MYH9: variants seen among roughly 807,000 people sequenced by gnomAD.
MYH9 encodes myosin heavy chain 9, also known as myosin-9.
A neutral mutation model predicts 241.9 loss-of-function variants in MYH9; 29 were observed. That is an observed-to-expected ratio of 0.12 (90% confidence interval 0.09 to 0.16). The LOEUF is 0.16. Ranked by LOEUF, MYH9 falls within the 10% of genes least tolerant of loss-of-function variation. The probability of loss-of-function intolerance (pLI) is 1.00; values close to 1 mark genes in which losing one functional copy is unlikely to be tolerated. For missense variants in MYH9, 1,803 were observed against 2,595.5 expected, an observed-to-expected ratio of 0.69 and a Z score of 6.63; for synonymous variants, 1,047 against 1,062.6, an observed-to-expected ratio of 0.99 and a Z score of 0.29.
intron 9 of MYH9, chr22:36,319,840 G>T (rs539960690): frequency 1.5e-6 from 1 of 660,188 alleles, no homozygotes; most frequent in East Asian, 2.7e-5. Context: ...CCTCCTGGCC[G>T]ACATGGCCTG....
At chr22:36,383,442 C>A (rs1420471726) in intron 1 of MYH9, among the ~76,000 whole-genome samples, 1 of 152,132 alleles carries the variant, frequency 6.6e-6, no homozygotes, top group Non-Finnish European at 1.5e-5. Context: ...AGTTCATCAC[C>A]AAGTGCATCC....
At chr22:36,286,130 C>T in intron 35 of MYH9, 177 bp from the exon 36 acceptor site, 2 of 661,588 alleles carry the variant, frequency 3.0e-6, no homozygotes, top group East Asian at 2.7e-5. Flanking sequence ...ATAGCTTAAA[C>T]ACCATATGTT....
intron 1 of MYH9, among the ~76,000 whole-genome samples, chr22:36,352,298 C>T (rs2017777801): frequency 6.6e-6 from 1 of 152,204 alleles, no homozygotes; most frequent in South Asian, 2.1e-4. Flanking sequence ...CAGTGTGGAC[C>T]ACATGGCCCG....
intron 14 of MYH9, among the ~76,000 whole-genome samples, chr22:36,310,178 G>A (rs1042683527): frequency 1.3e-5 from 2 of 151,828 alleles, no homozygotes; most frequent in Non-Finnish European, 2.9e-5. Context: ...GCTGAGGCAG[G>A]AGGATCGCTT....
chr22:36,370,653 G>T (rs1014285322), intron 1 of MYH9, among the ~76,000 whole-genome samples: 3 of 152,216 alleles, frequency 2.0e-5, no homozygotes, highest in Non-Finnish European at 2.9e-5. Context: ...TGTCAAAAGT[G>T]CTTATGACTT....
chr22:36,285,409 A>G lies in MYH9; in HGVS notation c.5275-80T>C. The G allele has an allele frequency of 6.7e-7, 1 of 1,485,392 alleles. No individual in the cohort carries two copies. The highest frequency in any genetic ancestry group is 9.3e-7 in the Non-Finnish European group (1 of 1,076,332). 92.0% of individuals were successfully genotyped at this position (1,485,392 alleles called of 1,614,324 possible). A position where few individuals can be genotyped will look rare whatever the true frequency, so the allele number is the denominator to read the frequency against. On this transcript the variant is annotated intron_variant, in intron 37 of 40. Transcript: ENST00000216181. The surrounding 1 kb of genome is among the most constrained non-coding windows in gnomAD (Gnocchi z 7.0). ...ATGAGCAGGGCCAGAGGAAGGTGGC[A>G]GCAGGATCCCACCAAACCCTTGGGG...
At chr22:36,327,538 C>T (rs957278511) in intron 3 of MYH9, 50 bp from the exon 4 acceptor site, 2 of 1,610,552 alleles carry the variant, frequency 1.2e-6, no homozygotes, top group African/African-American at 2.7e-5. Flanking sequence ...CAAAAGCCTC[C>T]CCACCTTGCT....
Position 36,312,129 on chromosome 22 carries a change from G to C in MYH9, c.1648C>G (p.Gln550Glu), listed in dbSNP as rs1343411512. 2 of 1,614,176 alleles carry C rather than the reference G, an allele frequency of 1.2e-6. No homozygotes were observed. The highest frequency in any genetic ancestry group is 2.2e-5 in the East Asian group (1 of 44,882). Residue 550 changes from glutamine to glutamate, a missense_variant, in exon 14 of 41, where the codon CAG becomes GAG. Physicochemically the swap from Gln to Glu is conservative, Grantham distance 29. Transcript: ENST00000216181. Reference sequence around the variant, plus strand: ...TTCTGGAACTTGGGGTGGGTGCCCTGCTCCTGCATCACCTTCTCCACGAAG... The same window carrying C: ...TTCTGGAACTTGGGGTGGGTGCCCTCCTCCTGCATCACCTTCTCCACGAAG... ...KSFVEKVMQE[Q>E]GTHPKFQKPK...
At chr22:36,313,729 C>T (rs2017104996) in intron 13 of MYH9, among the ~76,000 whole-genome samples, 2 of 152,166 alleles carry the variant, frequency 1.3e-5, no homozygotes, top group Admixed American at 1.3e-4. Context: ...TGCCCAGGGT[C>T]TGCACTGTTC....
chr22:36,352,818 C>T (rs1041302245), intron 1 of MYH9, among the ~76,000 whole-genome samples: 2 of 152,190 alleles, frequency 1.3e-5, no homozygotes, highest in East Asian at 3.9e-4. Flanking sequence ...TGGGCACCTC[C>T]CTCCCAGAAC....
In MYH9 at chr22:36,284,162, T is replaced by C. The variant is rs191342427; in HGVS notation, c.5696A>G (p.Glu1899Gly). 6.2e-7 allele frequency: 1 copy of C among 1,614,086 alleles called. No homozygotes were observed. The highest frequency in any genetic ancestry group is 1.3e-5 in the African/African-American group (1 of 75,046). The change falls in exon 40 of 41, where the codon GAG becomes GGG. Residue 1899 changes from glutamate (E) to glycine (G), a missense_variant. Physicochemically the swap from Glu to Gly is moderately conservative, Grantham distance 98. Coordinates refer to ENST00000216181, the MANE Select transcript of MYH9 (RefSeq NM_002473.6). ...ANASRRKLQR[E>G]LEDATETADA... ...GGCCGTCTCAGTGGCGTCCTCCAGC[T>C]CGCGCTGCAGTTTCCGGCGGGAGGC...
intron 1 of MYH9, among the ~76,000 whole-genome samples, chr22:36,349,645 G>A (rs768546231): frequency 2.6e-5 from 4 of 152,078 alleles, no homozygotes; most frequent in South Asian, 2.1e-4. Flanking sequence ...CAGGAGAATC[G>A]CTTGAACCCA....
In MYH9 at chr22:36,348,968, G is replaced by A. The variant is rs2017724487; in HGVS notation, c.269C>T (p.Thr90Met). The change falls in exon 2 of 41, where the codon ACG (threonine) becomes ATG (methionine). Residue 90 changes from threonine to methionine, a missense_variant. Transcript: ENST00000216181. Reference sequence around the variant, plus strand: ...CAGCACCGAGGCTTCGTTGAGGCACGTGAGCTCTGCCATGTCCTCCACCTT... The same window carrying A: ...CAGCACCGAGGCTTCGTTGAGGCACATGAGCTCTGCCATGTCCTCCACCTT... ...FSKVEDMAEL[T>M]CLNEASVLHN... 3.7e-6 allele frequency: 6 copies of A among 1,614,212 alleles called. No homozygotes were observed. Among genetic ancestry groups the A allele is most frequent in the Non-Finnish European group, 5.1e-6 (6 of 1,180,050 alleles).
chr22:36,300,978 GC>G lies in MYH9; in HGVS notation c.2710del (p.Ala904ProfsTer3). The G allele has an allele frequency of 6.2e-7, 1 of 1,611,742 alleles. No homozygotes were observed. On this transcript the variant is annotated frameshift_variant, in exon 22 of 41. Coordinates refer to ENST00000216181, the MANE Select transcript of MYH9 (RefSeq NM_002473.6). LOFTEE classifies it high-confidence loss of function. This position sits in a 1 kb window ranked among gnomAD's most constrained non-coding sequence, Gnocchi z 5.0. ...TTCCTGCTTCTTGGCGGTCAGGCGG[GC>G]CCGGAGCTCCTCAGCCTCGGCACAC... ...ELCAEAEELRARLTAKKQELE... is the reference protein window; with the variant it reads ...ELCAEAEELRXRLTAKKQELE...
intron 1 of MYH9, among the ~76,000 whole-genome samples, chr22:36,377,065 A>AT (rs2018179965): frequency 6.6e-6 from 1 of 151,498 alleles, no homozygotes; most frequent in South Asian, 2.1e-4. Context: ...CCTACCTCAA[A>AT]AAAAAAAAAA....
rs543245211 is a variant in MYH9, at chr22:36,290,359, C to A, written c.4345-1062G>T. On this transcript the variant is annotated intron_variant, in intron 31 of 40. Transcript: ENST00000216181. ...TCTCCAAAAAAAAAAAAAAAAAAAA[C>A]CCAAACTATTTTAAAAAAACCCAAA... Among the ~76,000 whole-genome samples, 104 of 142,530 alleles carry A rather than the reference C, an allele frequency of 7.3e-4. 1 individual carries two copies. The highest frequency in any genetic ancestry group is 1.5e-3 in the Admixed American group (22 of 14,322). The allele number at this position is 142,530 out of a possible 152,430, so 93.5% of individuals were successfully genotyped here.
At position 36,293,200 on chromosome 22, in the gene MYH9, T is replaced by G; in HGVS notation, c.4095+129A>C. 8.3e-7 allele frequency: 1 copy of G among 1,203,430 alleles called. No homozygotes were observed. Among genetic ancestry groups the G allele is most frequent in the Admixed American group, 2.0e-5 (1 of 50,732 alleles). 74.5% of individuals were successfully genotyped at this position (1,203,430 alleles called of 1,614,324 possible). A position where few individuals can be genotyped will look rare whatever the true frequency, so the allele number is the denominator to read the frequency against. ...AGAGCACTGATGTGGGAGAGCACGGTTGGCTTCCCAGGGGGAGAGCAGCAA... is the reference window on the plus strand; with the variant it reads ...AGAGCACTGATGTGGGAGAGCACGGGTGGCTTCCCAGGGGGAGAGCAGCAA... On this transcript the variant is annotated intron_variant, in intron 30 of 40. Transcript: ENST00000216181. The surrounding 1 kb of genome is among the most constrained non-coding windows in gnomAD (Gnocchi z 5.1).
rs1447618786 is a variant in MYH9 at position 36,306,395 on chromosome 22, C to T, written c.2037+19G>A. On this transcript the variant is annotated intron_variant, in intron 16 of 40. Transcript: ENST00000216181. This position sits in a 1 kb window ranked among gnomAD's most constrained non-coding sequence, Gnocchi z 4.1. ...ACACCACAGTGCCCTGCCCGGGCCA[C>T]CCCACCAGGCAGCCGCACCTTCTTC... The T allele has an allele frequency of 1.2e-6, 2 of 1,613,882 alleles. No individual in the cohort carries two copies. The highest frequency in any genetic ancestry group is 1.7e-6 in the Non-Finnish European group (2 of 1,179,974).
At chr22:36,317,852 G>GC (rs1291979688) in intron 11 of MYH9, among the ~76,000 whole-genome samples, 1 of 152,250 alleles carries the variant, frequency 6.6e-6, no homozygotes, top group Non-Finnish European at 1.5e-5. Flanking sequence ...CGCCACCCTG[G>GC]CACCAGAAGG....
Sources: allele counts gnomAD v4.1 joint callset (sites outside exome capture counted in the v4.1 genomes callset), GRCh38; gene constraint gnomAD v4.1.1; non-coding constraint Gnocchi (gnomAD v3.1); transcripts MANE v1.5; gene names NCBI Gene and HGNC (gene_info 2026-07-23, HGNC 2026-07-21).